The following RNF150 variants were observed in gnomAD, a reference collection of about 807,000 sequenced individuals.
RNF150 encodes ring finger protein 150.
In RNF150, 24 loss-of-function variants were observed where a neutral mutation model predicts 39.3. That is an observed-to-expected ratio of 0.61 (90% confidence interval 0.44 to 0.86). The LOEUF (loss-of-function observed/expected upper bound fraction) is 0.86, where lower values mean the gene tolerates loss of function less well. Among genes scored for constraint, RNF150 ranks in the 40% least tolerant of loss-of-function variants. The pLI, the probability that RNF150 is intolerant of heterozygous loss-of-function variation, is 0.00. For missense variants in RNF150, 502 were observed against 587.8 expected, an observed-to-expected ratio of 0.85 and a Z score of 1.51; for synonymous variants, 255 against 227.3, an observed-to-expected ratio of 1.12 and a Z score of -1.10.
At chr4:141,023,138 T>C (rs1478866112) in intron 1 of RNF150, among the ~76,000 whole-genome samples, 2 of 152,164 alleles carry the variant, frequency 1.3e-5, no homozygotes, top group Non-Finnish European at 2.9e-5. Context: ...GCATCTACAA[T>C]GCACTCTAGC....
chr4:141,155,235 A>G (rs1356884006), intron 1 of RNF150, among the ~76,000 whole-genome samples: 7 of 147,488 alleles, frequency 4.7e-5, no homozygotes, highest in African/African-American at 1.5e-4. Context: ...ACAGGCATGC[A>G]CCACCACACC....
At chr4:141,080,881 G>T (rs1738124067) in intron 1 of RNF150, among the ~76,000 whole-genome samples, 1 of 152,214 alleles carries the variant, frequency 6.6e-6, no homozygotes, top group Admixed American at 6.5e-5. Flanking sequence ...TCCAGAAGCA[G>T]GGGGCTACCA....
rs941793573 is a variant in RNF150 at position 140,861,214 on chromosome 4, A to G, written c.*7047T>C. On this transcript the variant is annotated 3_prime_UTR_variant, in exon 7 of 7. Coordinates refer to ENST00000515673, the MANE Select transcript of RNF150 (RefSeq NM_020724.2). ...GTCTTTTTATTGATCTTCCTTTGCAATTTCACAAGAATAAAGTTGAGATAA... is the reference window on the plus strand; with the variant it reads ...GTCTTTTTATTGATCTTCCTTTGCAGTTTCACAAGAATAAAGTTGAGATAA... The G allele has an allele frequency of 2.0e-5, 3 of 152,166 alleles. No individual in the cohort carries two copies. Among genetic ancestry groups the G allele is most frequent in the African/African-American group, 7.2e-5 (3 of 41,434 alleles). The allele number at this position is 152,166 out of a possible 1,614,324, so 9.4% of individuals were successfully genotyped here.
chr4:141,166,284 A>T (rs1257069628), intron 1 of RNF150, among the ~76,000 whole-genome samples: 1 of 152,038 alleles, frequency 6.6e-6, no homozygotes, highest in African/African-American at 2.4e-5. Flanking sequence ...CCAATAACAA[A>T]TTCTGAAATT....
chr4:140,909,138 C>CTAT (rs1325363269), intron 6 of RNF150, among the ~76,000 whole-genome samples: 1 of 152,158 alleles, frequency 6.6e-6, no homozygotes, highest in East Asian at 1.9e-4. Flanking sequence ...AGAGAACTTA[C>CTAT]TATTTGACCT....
chr4:141,157,286 A>G (rs1727431051), intron 1 of RNF150, among the ~76,000 whole-genome samples: 1 of 152,190 alleles, frequency 6.6e-6, no homozygotes, highest in Admixed American at 6.5e-5. Flanking sequence ...AATATTTCCT[A>G]AAATGGCCAT....
chr4:141,088,285 A>G (rs1649270644), intron 1 of RNF150, among the ~76,000 whole-genome samples: 1 of 152,178 alleles, frequency 6.6e-6, no homozygotes, highest in South Asian at 2.1e-4. Context: ...TGAGCGATCC[A>G]GTCTCCTGAT....
In RNF150 at chr4:141,107,357, T is replaced by C. The variant is rs11939813; in HGVS notation, c.484+24968A>G. ...CTCACTAGAATCCTATTAAAAATAT[T>C]GGTCCTATTATTACTATTATTTGCA... is the stretch of plus-strand genomic sequence containing the variant. On this transcript the variant is annotated intron_variant, in intron 1 of 6. Transcript: ENST00000515673. Among the ~76,000 whole-genome samples, 888 of 152,302 alleles carry C rather than the reference T, an allele frequency of 5.8e-3. 5 individuals are homozygous for C. Among genetic ancestry groups the C allele is most frequent in the African/African-American group, 0.02 (831 of 41,544 alleles).
chr4:141,003,188 G>A (rs906811967), intron 1 of RNF150, among the ~76,000 whole-genome samples: 3 of 152,062 alleles, frequency 2.0e-5, no homozygotes, highest in Non-Finnish European at 4.4e-5. Context: ...ATTTTAAGAG[G>A]AAAGGGCCAT....
chr4:141,108,004 T>C (rs1739267977), intron 1 of RNF150, among the ~76,000 whole-genome samples: 1 of 152,220 alleles, frequency 6.6e-6, no homozygotes, highest in South Asian at 2.1e-4. Flanking sequence ...TGGTTCACAT[T>C]GTATTAACTT....
chr4:141,003,566 T>TACACACACACACACACACAC (rs70946725), intron 1 of RNF150, among the ~76,000 whole-genome samples: 13 of 142,564 alleles, frequency 9.1e-5, no homozygotes, highest in South Asian at 2.4e-4. Context: ...CCCTAGCACG[T>TACACACACACACACACACAC]ACACACACAC....
Position 140,910,657 on chromosome 4 carries a change from C to G in RNF150, c.1198+487G>C, listed in dbSNP as rs116187379. On this transcript the variant is annotated intron_variant, in intron 6 of 6. Coordinates refer to ENST00000515673, the MANE Select transcript of RNF150 (RefSeq NM_020724.2). ...AGCAACAAGGAAAGCAGCCTCTTGT[C>G]CGTGGTCCAGACTAGTTCATACAGT... Among the ~76,000 whole-genome samples the G allele has an allele frequency of 9.7e-3, 1,479 of 152,296 alleles. 30 individuals are homozygous for G. Among genetic ancestry groups the G allele is most frequent in the African/African-American group, 0.033 (1,391 of 41,546 alleles).
At chr4:140,873,961 C>G (rs759482844) in intron 6 of RNF150, among the ~76,000 whole-genome samples, 1 of 152,098 alleles carries the variant, frequency 6.6e-6, no homozygotes, top group Non-Finnish European at 1.5e-5. Flanking sequence ...CCACCATGCC[C>G]GGCCTATTCT....
intron 1 of RNF150, among the ~76,000 whole-genome samples, chr4:141,120,868 T>C (rs1041125526): frequency 3.9e-5 from 6 of 152,072 alleles, no homozygotes; most frequent in African/African-American, 9.7e-5. Flanking sequence ...TGCCTTTGAT[T>C]TGTATTTTCA....
rs534178393 is a variant in RNF150 at position 141,097,040 on chromosome 4, G to A, written c.484+35285C>T. On this transcript the variant is annotated intron_variant, in intron 1 of 6. Coordinates refer to ENST00000515673, the MANE Select transcript of RNF150 (RefSeq NM_020724.2). ...ATTTAAAGACAGCCATGTCCTCAACGGAAAAATGATCATCCAATTAACACT... is the reference window on the plus strand; with the variant it reads ...ATTTAAAGACAGCCATGTCCTCAACAGAAAAATGATCATCCAATTAACACT... 1.6e-3 allele frequency among the ~76,000 whole-genome samples: 237 copies of A among 152,256 alleles called. 2 individuals carry two copies. Among genetic ancestry groups the A allele is most frequent in the African/African-American group, 5.5e-3 (228 of 41,542 alleles).
intron 1 of RNF150, among the ~76,000 whole-genome samples, chr4:141,024,913 T>C (rs536240484): frequency 3.9e-5 from 6 of 152,322 alleles, no homozygotes; most frequent in African/African-American, 1.4e-4. Flanking sequence ...ACTCTAGGTC[T>C]GAATCAAGAA....
At chr4:141,080,087 C>G (rs1445519237) in intron 1 of RNF150, among the ~76,000 whole-genome samples, 2 of 152,146 alleles carry the variant, frequency 1.3e-5, no homozygotes, top group Non-Finnish European at 2.9e-5. Flanking sequence ...AAAAGACATA[C>G]TTAGTATTTG....
intron 6 of RNF150, among the ~76,000 whole-genome samples, chr4:140,901,199 T>C (rs1212846383): frequency 6.6e-6 from 1 of 152,254 alleles, no homozygotes; most frequent in Non-Finnish European, 1.5e-5. Context: ...AGTTAGACGT[T>C]AGAATCTTTC....
chr4:141,184,568 G>A (rs796622956), intron 1 of RNF150, among the ~76,000 whole-genome samples: 2 of 152,220 alleles, frequency 1.3e-5, no homozygotes, highest in African/African-American at 2.4e-5. Flanking sequence ...TAGTCATGAA[G>A]TCTTTGCCCA....
Sources: allele counts gnomAD v4.1 joint callset (sites outside exome capture counted in the v4.1 genomes callset), GRCh38; gene constraint gnomAD v4.1.1; transcripts MANE v1.5; gene names NCBI Gene and HGNC (gene_info 2026-07-23, HGNC 2026-07-21).